The following PCDHGA3 variants were observed in gnomAD, a reference collection of about 807,000 sequenced individuals.
PCDHGA3 encodes protocadherin gamma subfamily A, 3.
PCDHGA3 carries 40 observed loss-of-function variants against 58.5 expected under a neutral mutation model. The observed-to-expected ratio is 0.68, with a 90% CI of 0.53 to 0.89. The LOEUF (loss-of-function observed/expected upper bound fraction) is 0.89, where lower values mean the gene tolerates loss of function less well. PCDHGA3 is among the 40% of genes least tolerant of loss of function. The pLI is 0.00. For synonymous variants in PCDHGA3, 530 were observed against 525.7 expected, an observed-to-expected ratio of 1.01 and a Z score of -0.11; for missense variants, 1,223 against 1,195.9, an observed-to-expected ratio of 1.02 and a Z score of -0.33.
intron 1 of PCDHGA3, chr5:141,409,494 C>G (rs755680835): frequency 6.2e-7 from 1 of 1,614,028 alleles, no homozygotes; most frequent in Non-Finnish European, 8.5e-7. Flanking sequence ...GGCAAGCCGC[C>G]TCTTTCTTCC....
intron 1 of PCDHGA3, chr5:141,383,500 G>T: frequency 6.2e-7 from 1 of 1,613,078 alleles, no homozygotes; most frequent in East Asian, 2.2e-5. Flanking sequence ...GCGGGTGCTG[G>T]ACCGGGAGGA....
Position 141,433,012 on chromosome 5 carries a change from G to C in PCDHGA3, c.2425-61795G>C. 1 of 1,614,172 alleles carries C rather than the reference G, an allele frequency of 6.2e-7. No homozygotes were observed. Among genetic ancestry groups the C allele is most frequent in the South Asian group, 1.1e-5 (1 of 91,080 alleles). The stretch of plus-strand genomic sequence containing the variant: ...TGGACGGGGTGCAGGCTTTCCTGCA[G>C]ACCTATTCCCACGAGGTTTCCCTCA... On this transcript the variant is annotated intron_variant, in intron 1 of 3. Coordinates refer to ENST00000253812, the MANE Select transcript of PCDHGA3 (RefSeq NM_018916.4).
In PCDHGA3 at chr5:141,432,071, A is replaced by G; in HGVS notation, c.2425-62736A>G. On this transcript the variant is annotated intron_variant, in intron 1 of 3. Transcript: ENST00000253812. The surrounding 1 kb of genome is among the most constrained non-coding windows in gnomAD (Gnocchi z 6.0). ...CCCGCCCCTATCCACGGAAACTCAT[A>G]TCTCGCTGAACGTGGCAGACACCAA... is the stretch of plus-strand genomic sequence containing the variant. 2 of 1,614,158 alleles carry G rather than the reference A, an allele frequency of 1.2e-6. No individual in the cohort carries two copies. The highest frequency in any genetic ancestry group is 1.7e-6 in the Non-Finnish European group (2 of 1,180,032).
intron 2 of PCDHGA3, among the ~76,000 whole-genome samples, chr5:141,501,334 C>T (rs1462003251): frequency 6.9e-6 from 1 of 145,376 alleles, no homozygotes; most frequent in Non-Finnish European, 1.5e-5. Context: ...CACACACACA[C>T]CCCAAACTCA....
intron 1 of PCDHGA3, chr5:141,423,278 A>C: frequency 1.2e-6 from 2 of 1,613,940 alleles, no homozygotes; most frequent in Non-Finnish European, 1.7e-6. Flanking sequence ...TCTCTGGCTA[A>C]CTCTGAAACC....
In PCDHGA3 at chr5:141,346,311, A is replaced by G; in HGVS notation, c.2278A>G (p.Thr760Ala). ...GACCTATTCCCACGAGGTCTCCCTC[A>G]CTGCGGACTCGCGGAAGAGCCACCT... is the stretch of plus-strand genomic sequence containing the variant. ...LQTYSHEVSL[T>A]ADSRKSHLIF... is the part of the protein sequence containing the mutation. The change falls in exon 1 of 4, where the codon ACT (threonine) becomes GCT (alanine). Residue 760 changes from threonine (T) to alanine (A), a missense_variant. Transcript: ENST00000253812. The G allele has an allele frequency of 6.2e-7, 1 of 1,614,210 alleles. No individual in the cohort carries two copies. The highest frequency in any genetic ancestry group is 8.5e-7 in the Non-Finnish European group (1 of 1,180,024).
At chr5:141,419,204 G>A (rs1291977951) in intron 1 of PCDHGA3, 1 of 1,613,798 alleles carries the variant, frequency 6.2e-7, no homozygotes, top group Non-Finnish European at 8.5e-7. Flanking sequence ...CAATGACAAC[G>A]CGCCGGTTTT....
Position 141,346,239 on chromosome 5 carries a change from C to T in PCDHGA3, c.2206C>T (p.Pro736Ser), listed in dbSNP as rs373249653. ...TTCGGGAGGCGGCTTGGCGAGTACG[C>T]CCGGCTCGCACTTTGTGGGCGCGGA... The part of the protein sequence containing the change: ...QASGGGLAST[P>S]GSHFVGADGV... Residue 736 changes from proline (P) to serine (S), a missense_variant, in exon 1 of 4, where the codon CCC (proline) becomes TCC (serine). By Grantham distance (74) the Pro-to-Ser change is moderately conservative. Coordinates refer to ENST00000253812, the MANE Select transcript of PCDHGA3 (RefSeq NM_018916.4). The T allele has an allele frequency of 6.2e-7, 1 of 1,614,080 alleles. No individual in the cohort carries two copies.
chr5:141,455,855 C>A (rs1267803457), intron 1 of PCDHGA3, among the ~76,000 whole-genome samples: 4 of 147,088 alleles, frequency 2.7e-5, no homozygotes, highest in African/African-American at 1.0e-4. Flanking sequence ...AAAATAATTT[C>A]TTTTATTATT....
At position 141,476,973 on chromosome 5, in the gene PCDHGA3, A is replaced by C. The variant is rs1205314116; in HGVS notation, c.2425-17834A>C. Reference sequence around the variant, plus strand: ...GAAATTATTTACTCCTTCGGCAGCCACAACCGCGCCGGCGTGCGGCAACTA... The same window carrying C: ...GAAATTATTTACTCCTTCGGCAGCCCCAACCGCGCCGGCGTGCGGCAACTA... On this transcript the variant is annotated intron_variant, in intron 1 of 3. Coordinates refer to ENST00000253812, the MANE Select transcript of PCDHGA3 (RefSeq NM_018916.4). The surrounding 1 kb of genome is among the most constrained non-coding windows in gnomAD (Gnocchi z 7.6). 6.2e-7 allele frequency: 1 copy of C among 1,614,230 alleles called. No homozygotes were observed. The highest frequency in any genetic ancestry group is 2.2e-5 in the East Asian group (1 of 44,884).
At chr5:141,500,453 C>G (rs1403599390) in intron 2 of PCDHGA3, among the ~76,000 whole-genome samples, 1 of 152,246 alleles carries the variant, frequency 6.6e-6, no homozygotes, top group African/African-American at 2.4e-5. Flanking sequence ...TCGTGATCCG[C>G]CCGCCTCGGC....
rs772255956 is a variant in PCDHGA3 at position 141,361,360 on chromosome 5, G to A, written c.2424+14903G>A. Reference sequence around the variant, plus strand: ...CTATTACAAACTAGTGACAGACGGCGCTCTGGACCGGGAGGAGATCCCAGA... The same window carrying A: ...CTATTACAAACTAGTGACAGACGGCACTCTGGACCGGGAGGAGATCCCAGA... On this transcript the variant is annotated intron_variant, in intron 1 of 3. Transcript: ENST00000253812. 3.1e-6 allele frequency: 5 copies of A among 1,613,944 alleles called. No homozygotes were observed. In the East Asian group the frequency reaches 1.1e-4, roughly 36 times the overall value.
chr5:141,346,907 T>C (rs1247197214), intron 1 of PCDHGA3, among the ~76,000 whole-genome samples: 1 of 152,214 alleles, frequency 6.6e-6, no homozygotes, highest in African/African-American at 2.4e-5. Context: ...TACATACAAG[T>C]AAAAATACAT....
At chr5:141,405,008 G>A in intron 1 of PCDHGA3, 1 of 1,614,000 alleles carries the variant, frequency 6.2e-7, no homozygotes, top group Non-Finnish European at 8.5e-7. Context: ...AGACCTGGAG[G>A]CCTCAGACCT....
At chr5:141,433,257 G>C (rs764036349) in intron 1 of PCDHGA3, 3 of 1,385,416 alleles carry the variant, frequency 2.2e-6, no homozygotes, top group Non-Finnish European at 3.0e-6. Flanking sequence ...GCAGCGGTAC[G>C]ATCATAGCTC....
At chr5:141,356,719 A>G (rs373889341) in intron 1 of PCDHGA3, 4 of 1,613,854 alleles carry the variant, frequency 2.5e-6, no homozygotes, top group Non-Finnish European at 3.4e-6. Context: ...CTATGTCTCC[A>G]TCAACTCCAA....
intron 1 of PCDHGA3, chr5:141,402,883 G>A (rs1418475947): frequency 6.7e-7 from 1 of 1,483,116 alleles, no homozygotes; most frequent in South Asian, 1.4e-5. Flanking sequence ...ACTTTGCAGG[G>A]TGGAAGAAAG....
At chr5:141,389,571 C>T (rs2091830159) in intron 1 of PCDHGA3, 2 of 1,613,136 alleles carry the variant, frequency 1.2e-6, no homozygotes, top group East Asian at 2.2e-5. Context: ...GGTGCTGTAC[C>T]CCGCGCTGGG....
intron 1 of PCDHGA3, chr5:141,405,012 C>T (rs748403581): frequency 1.2e-6 from 2 of 1,614,018 alleles, no homozygotes; most frequent in Non-Finnish European, 8.5e-7. Context: ...CTGGAGGCCT[C>T]AGACCTTACC....
Sources: allele counts gnomAD v4.1 joint callset (sites outside exome capture counted in the v4.1 genomes callset), GRCh38; gene constraint gnomAD v4.1.1; non-coding constraint Gnocchi (gnomAD v3.1); transcripts MANE v1.5; gene names NCBI Gene and HGNC (gene_info 2026-07-23, HGNC 2026-07-21).